Variants in STK3 observed in about 807,000 individuals in gnomAD.
The protein encoded by STK3 is serine/threonine-protein kinase 3.
STK3 carries 41 observed loss-of-function variants against 58.0 expected under a neutral mutation model. The ratio of observed to expected loss-of-function variants is 0.71; its 90% CI spans 0.55 to 0.92. The LOEUF is 0.92. Ranked by LOEUF, STK3 falls within the 40% of genes least tolerant of loss-of-function variation. STK3 has a pLI of 0.00. For synonymous variants in STK3, 170 were observed against 191.0 expected, an observed-to-expected ratio of 0.89 and a Z score of 0.91; for missense variants, 479 against 602.7, an observed-to-expected ratio of 0.79 and a Z score of 2.15.
intron 8 of STK3, among the ~76,000 whole-genome samples, chr8:98,574,585 T>G (rs1402981987): frequency 6.6e-6 from 1 of 152,226 alleles, no homozygotes; most frequent in Non-Finnish European, 1.5e-5. Context: ...TAGATTATTC[T>G]AATGGAGTAA....
At chr8:98,841,334 A>C (rs1835971858) in intron 3 of STK3, among the ~76,000 whole-genome samples, 1 of 152,212 alleles carries the variant, frequency 6.6e-6, no homozygotes, top group South Asian at 2.1e-4. Context: ...TGTGTATATA[A>C]ATCAAAACTT....
chr8:98,861,054 T>C (rs1169945732), intron 3 of STK3, among the ~76,000 whole-genome samples: 1 of 151,944 alleles, frequency 6.6e-6, no homozygotes, highest in Admixed American at 6.6e-5. Context: ...AGCAAGACTC[T>C]ATCCCAAAAG....
intron 9 of STK3, among the ~76,000 whole-genome samples, chr8:98,541,412 C>T (rs1289212983): frequency 1.3e-5 from 2 of 152,128 alleles, no homozygotes; most frequent in Non-Finnish European, 2.9e-5. Context: ...GTGCCAGCTT[C>T]CCCGTCCCCT....
the STK3 span, among the ~76,000 whole-genome samples, chr8:98,347,212 T>G: frequency 6.6e-6 from 1 of 151,778 alleles, no homozygotes. Context: ...ATAAAAATAT[T>G]TTTTAAAAAA....
chr8:98,583,791 G>C (rs1459357925), intron 7 of STK3, among the ~76,000 whole-genome samples: 2 of 151,744 alleles, frequency 1.3e-5, no homozygotes, highest in Non-Finnish European at 2.9e-5. Context: ...AGTTTAAGAA[G>C]TAGATGAGAA....
intron 9 of STK3, among the ~76,000 whole-genome samples, chr8:98,528,450 T>A (rs973854456): frequency 5.1e-4 from 77 of 152,274 alleles, no homozygotes; most frequent in African/African-American, 1.6e-3. Context: ...GCATTTCCCA[T>A]ATAATTCTCC....
intron 8 of STK3, among the ~76,000 whole-genome samples, chr8:98,549,399 A>G (rs1471109257): frequency 1.3e-5 from 2 of 152,248 alleles, no homozygotes; most frequent in South Asian, 2.1e-4. Flanking sequence ...AGCCATTTGT[A>G]TATCTTCTTT....
intron 4 of STK3, among the ~76,000 whole-genome samples, chr8:98,714,964 C>T (rs576521741): frequency 1.3e-5 from 2 of 152,194 alleles, no homozygotes; most frequent in Non-Finnish European, 2.9e-5. Flanking sequence ...ACAGAGCCCT[C>T]AGAAATAATG....
intron 3 of STK3, chr8:98,413,623 G>A: frequency 4.1e-6 from 3 of 724,700 alleles, no homozygotes; most frequent in South Asian, 1.4e-5. Flanking sequence ...CAAAGACAAA[G>A]GTCTGCCAGT....
chr8:98,877,513 C>A (rs991701443), intron 3 of STK3, among the ~76,000 whole-genome samples: 1 of 151,822 alleles, frequency 6.6e-6, no homozygotes, highest in Non-Finnish European at 1.5e-5. Context: ...GATGGAGTTT[C>A]GCTCTTGTCG....
intron 6 of STK3, among the ~76,000 whole-genome samples, chr8:98,695,689 C>G (rs184439825): frequency 6.6e-6 from 1 of 152,274 alleles, no homozygotes; most frequent in Non-Finnish European, 1.5e-5. Flanking sequence ...GGGCTCTGCT[C>G]TGTTCCATTG....
At chr8:98,902,888 A>G (rs1838711913) in intron 1 of STK3, among the ~76,000 whole-genome samples, 1 of 152,332 alleles carries the variant, frequency 6.6e-6, no homozygotes, top group Admixed American at 6.5e-5. Flanking sequence ...TGGAGAAATT[A>G]ATTTGCCCAA....
At chr8:98,892,836 T>C (rs537670749) in intron 1 of STK3, among the ~76,000 whole-genome samples, 2 of 152,344 alleles carry the variant, frequency 1.3e-5, no homozygotes, top group South Asian at 2.1e-4. Context: ...TAAATATTTG[T>C]TGACTAAATG....
chr8:98,654,448 A>G (rs975907549), intron 6 of STK3, among the ~76,000 whole-genome samples: 2 of 151,818 alleles, frequency 1.3e-5, no homozygotes, highest in Non-Finnish European at 1.5e-5. Flanking sequence ...CTCTCTCACC[A>G]CTCCTATTCA....
the STK3 span, among the ~76,000 whole-genome samples, chr8:98,358,402 A>G: frequency 6.6e-6 from 1 of 152,108 alleles, no homozygotes; most frequent in Non-Finnish European, 1.5e-5. Flanking sequence ...AAAAGACACC[A>G]CAGATGCCCA....
At chr8:98,633,503 GC>G (rs900601226) in intron 6 of STK3, 1 of 651,050 alleles carries the variant, frequency 1.5e-6, no homozygotes, top group African/African-American at 1.8e-5. Context: ...GGTGGCGTTG[GC>G]TTTGCCAGCT....
chr8:98,837,053 C>G (rs1374303281), intron 3 of STK3, among the ~76,000 whole-genome samples: 8 of 152,082 alleles, frequency 5.3e-5, no homozygotes, highest in Admixed American at 5.2e-4. Context: ...AATATTTAAA[C>G]CTTGTTTTTA....
chr8:98,704,075 C>T (rs1825800356), intron 6 of STK3, among the ~76,000 whole-genome samples: 1 of 152,306 alleles, frequency 6.6e-6, no homozygotes, highest in South Asian at 2.1e-4. Context: ...AGTTGTGTGA[C>T]TGAGCTGCAA....
At chr8:98,901,864 C>T (rs1011782559) in intron 1 of STK3, among the ~76,000 whole-genome samples, 5 of 152,220 alleles carry the variant, frequency 3.3e-5, no homozygotes, top group Non-Finnish European at 7.3e-5. Context: ...CATTAATAGG[C>T]AAGCTGGGAA....
Sources: allele counts gnomAD v4.1 joint callset (sites outside exome capture counted in the v4.1 genomes callset), GRCh38; gene constraint gnomAD v4.1.1; transcripts MANE v1.5; gene names NCBI Gene and HGNC (gene_info 2026-07-23, HGNC 2026-07-21).